The following PPP1R12A variants were observed in gnomAD, a reference collection of about 807,000 sequenced individuals.
PPP1R12A encodes myosin binding subunit.
A neutral mutation model predicts 139.6 loss-of-function variants in PPP1R12A; 19 were observed. The observed-to-expected ratio is 0.14, with a 90% CI of 0.09 to 0.20. The LOEUF (loss-of-function observed/expected upper bound fraction) is 0.20, where lower values mean the gene tolerates loss of function less well. PPP1R12A is among the 10% of genes least tolerant of loss of function. The probability of loss-of-function intolerance (pLI) is 1.00; values close to 1 mark genes in which losing one functional copy is unlikely to be tolerated. For missense variants in PPP1R12A, 925 were observed against 1,211.5 expected (o/e 0.76, Z 3.51); for synonymous variants, 427 against 420.6 (o/e 1.02, Z -0.19).
At chr12:79,857,398 C>G (rs957005371) in intron 2 of PPP1R12A, among the ~76,000 whole-genome samples, 8 of 138,722 alleles carry the variant, frequency 5.8e-5, no homozygotes, top group Admixed American at 2.4e-4. Context: ...CATATGGACA[C>G]AGGAAGGGGA....
intron 14 of PPP1R12A, among the ~76,000 whole-genome samples, chr12:79,801,239 GGAGGCTGAGGC>G (rs1873106645): frequency 9.9e-6 from 1 of 101,330 alleles, no homozygotes; most frequent in African/African-American, 7.9e-5. Context: ...TAGCTACTCA[GGAGGCTGAGGC>G]AGGAGAACTG....
chr12:79,823,651 T>G (rs544552535), intron 5 of PPP1R12A: 8 of 151,534 alleles, frequency 5.3e-5, no homozygotes, highest in Non-Finnish European at 8.8e-5. Context: ...TGGAGTGCAC[T>G]GGCACGATCG....
intron 2 of PPP1R12A, among the ~76,000 whole-genome samples, chr12:79,850,586 A>G (rs953992735): frequency 6.6e-6 from 1 of 152,244 alleles, no homozygotes; most frequent in Non-Finnish European, 1.5e-5. Flanking sequence ...CAAGAGCTAA[A>G]TATATTTAGT....
chr12:79,816,603 C>G (rs2137097087), intron 9 of PPP1R12A, among the ~76,000 whole-genome samples: 1 of 152,132 alleles, frequency 6.6e-6, no homozygotes, highest in South Asian at 2.1e-4. Context: ...AAAAGATTAA[C>G]ACACTAACTG....
chr12:79,891,638 A>G (rs1352110988), intron 1 of PPP1R12A, among the ~76,000 whole-genome samples: 1 of 152,160 alleles, frequency 6.6e-6, no homozygotes, highest in Admixed American at 6.5e-5. Flanking sequence ...CCTCCCCTAG[A>G]CTGGGTGACT....
At chr12:79,846,586 C>T (rs989315735) in intron 2 of PPP1R12A, among the ~76,000 whole-genome samples, 9 of 150,962 alleles carry the variant, frequency 6.0e-5, no homozygotes, top group Non-Finnish European at 1.0e-4. Flanking sequence ...CCCGCCACTG[C>T]GCGTGGCTCA....
At chr12:79,822,254 T>C (rs1194064420) in intron 5 of PPP1R12A, 64 bp from the exon 6 acceptor site, 11 of 1,099,904 alleles carry the variant, frequency 1.0e-5, no homozygotes, top group Non-Finnish European at 1.5e-5. Flanking sequence ...ATGCCTTCAG[T>C]AATTCTGTAT....
intron 1 of PPP1R12A, among the ~76,000 whole-genome samples, chr12:79,908,808 C>A (rs1353924140): frequency 6.6e-6 from 1 of 152,076 alleles, no homozygotes; most frequent in Admixed American, 6.5e-5. Flanking sequence ...ATTAAATAAC[C>A]ATATGCCTAC....
rs187509579 is a variant in PPP1R12A at position 79,811,674 on chromosome 12, A to T, written c.1240-1664T>A. On this transcript the variant is annotated intron_variant, in intron 9 of 24. Transcript: ENST00000450142. ...ATGCTAGGCTTTGTGGAACACAGAT[A>T]ATATTAATACACAAATGATTGAGTG... Among the ~76,000 whole-genome samples, 526 of 152,352 alleles carry T rather than the reference A, an allele frequency of 3.5e-3. 4 individuals carry two copies. Among genetic ancestry groups the T allele is most frequent in the African/African-American group, 0.012 (506 of 41,586 alleles).
rs1393650590 is a variant in PPP1R12A at position 79,899,261 on chromosome 12, T to C, written c.238-26323A>G. On this transcript the variant is annotated intron_variant, in intron 1 of 24. Coordinates refer to ENST00000450142, the MANE Select transcript of PPP1R12A (RefSeq NM_002480.3). ...ATATATATATATATATATATATATATATATATATATATATATATATATTCA... is the reference window on the plus strand; with the variant it reads ...ATATATATATATATATATATATATACATATATATATATATATATATATTCA... Among the ~76,000 whole-genome samples, 15 of 3,380 alleles carry C rather than the reference T, an allele frequency of 4.4e-3. No individual in the cohort carries two copies. In the South Asian group the frequency reaches 0.057, roughly 13 times the overall value. The allele number at this position is 3,380 out of a possible 152,430, so 2.2% of individuals were successfully genotyped here. A position where few individuals can be genotyped will look rare whatever the true frequency, so the allele number is the denominator to read the frequency against.
chr12:79,904,915 G>C (rs1048289091), intron 1 of PPP1R12A, among the ~76,000 whole-genome samples: 1 of 151,934 alleles, frequency 6.6e-6, no homozygotes. Flanking sequence ...ATGTTCACTC[G>C]GAAAAGAATA....
chr12:79,826,172 A>G (rs1301879607), intron 5 of PPP1R12A, among the ~76,000 whole-genome samples: 1 of 152,034 alleles, frequency 6.6e-6, no homozygotes, highest in East Asian at 1.9e-4. Context: ...AAAAGATAAA[A>G]CAATTTCAGG....
intron 4 of PPP1R12A, 145 bp downstream of exon 4, chr12:79,832,187 A>G: frequency 1.6e-6 from 1 of 632,126 alleles, no homozygotes; most frequent in Non-Finnish European, 2.5e-6. Flanking sequence ...TATTCAAAGT[A>G]GTTTTTCTCT....
chr12:79,776,649 A>C (rs1443913115), intron 24 of PPP1R12A, among the ~76,000 whole-genome samples: 1 of 152,046 alleles, frequency 6.6e-6, no homozygotes, highest in East Asian at 1.9e-4. Context: ...TGATCCAACT[A>C]TTACAAAAAT....
chr12:79,809,491 T>C lies in PPP1R12A; in HGVS notation c.1455+304A>G, dbSNP rs778374473. Among the ~76,000 whole-genome samples, 52 of 152,098 alleles carry C rather than the reference T, an allele frequency of 3.4e-4. 2 individuals carry two copies. The highest frequency in any genetic ancestry group is 3.3e-4 in the Admixed American group (5 of 15,270). On this transcript the variant is annotated intron_variant, in intron 10 of 24. Transcript: ENST00000450142. ...CCTATGTTTTTTAAACTTCAGAAAG[T>C]TTCTTGAATCATAATAAACAAAATA...
At position 79,817,441 on chromosome 12, in the gene PPP1R12A, G is replaced by A. The variant is rs1220750173; in HGVS notation, c.1192C>T (p.Pro398Ser). ...TQAAPVAVTT[P>S]TVSSGQATPT... is the part of the protein sequence containing the mutation. ...GTTGCTTGACCTGATGACACAGTAG[G>A]TGTTGTAACAGCTACAGGAGCTGCT... Residue 398 changes from proline (P) to serine (S), a missense_variant, in exon 9 of 25, where the codon CCT becomes TCT. By Grantham distance (74) the Pro-to-Ser change is moderately conservative (BLOSUM62 -1). This residue lies in a region of PPP1R12A where 403 missense variants were observed against 463.7 expected (regional missense o/e 0.87). Coordinates refer to ENST00000450142, the MANE Select transcript of PPP1R12A (RefSeq NM_002480.3). The A allele has an allele frequency of 1.9e-6, 3 of 1,611,544 alleles. No individual in the cohort carries two copies. The South Asian group carries it at 3.3e-5, about 18-fold the overall frequency.
In PPP1R12A at chr12:79,775,205, A is replaced by AATT. The variant is rs1869601478; in HGVS notation, c.*721_*723dup. 1 of 152,590 alleles carries AATT rather than the reference A, an allele frequency of 6.6e-6. No homozygotes were observed. Among genetic ancestry groups the AATT allele is most frequent in the African/African-American group, 2.4e-5 (1 of 41,456 alleles). 9.5% of individuals were successfully genotyped at this position (152,590 alleles called of 1,614,324 possible). ...AGTGACCAATGAAGCAGAAAATAGGAATTAAAAGATCTAACCTCAAATGAC... is the reference window on the plus strand; with the variant it reads ...AGTGACCAATGAAGCAGAAAATAGGAATTATTAAAAGATCTAACCTCAAATGAC... On this transcript the variant is annotated 3_prime_UTR_variant, in exon 25 of 25. Coordinates refer to ENST00000450142, the MANE Select transcript of PPP1R12A (RefSeq NM_002480.3).
intron 6 of PPP1R12A, 141 bp downstream of exon 6, chr12:79,821,975 C>A: frequency 1.8e-6 from 1 of 561,980 alleles, no homozygotes; most frequent in South Asian, 2.3e-5. Context: ...ATCCTTTATT[C>A]TCTTTCACTA....
chr12:79,776,036 G>C (rs1869672726), intron 24 of PPP1R12A, 21 bp from the exon 25 acceptor site: 1 of 1,443,970 alleles, frequency 6.9e-7, no homozygotes, highest in African/African-American at 1.4e-5. Context: ...AAAAATTGAA[G>C]ATCAAGTTTT....
Sources: gnomAD v4.1 joint callset for allele counts (sites outside exome capture counted in the v4.1 genomes callset) on GRCh38, gnomAD v4.1.1 for gene constraint, gnomAD v4.1.1 regional missense constraint, MANE v1.5 for transcripts, NCBI Gene and HGNC (gene_info 2026-07-23, HGNC 2026-07-21) for gene names.